Variants in ARHGAP32 observed in about 807,000 individuals in gnomAD.
ARHGAP32 encodes rho GTPase-activating protein 32.
Under a neutral mutation model 186.5 loss-of-function variants are expected in ARHGAP32, and 51 were observed. The ratio of observed to expected loss-of-function variants is 0.27; its 90% CI spans 0.22 to 0.35. ARHGAP32 has a LOEUF of 0.35. Ranked by LOEUF, ARHGAP32 falls within the 10% of genes least tolerant of loss-of-function variation. The probability of loss-of-function intolerance (pLI) is 1.00; values close to 1 mark genes in which losing one functional copy is unlikely to be tolerated. For synonymous variants in ARHGAP32, 950 were observed against 964.3 expected, an observed-to-expected ratio of 0.99 and a Z score of 0.27; for missense variants, 2,186 against 2,623.5, an observed-to-expected ratio of 0.83 and a Z score of 3.64.
chr11:128,991,089 T>C (rs1445939551), intron 12 of ARHGAP32, among the ~76,000 whole-genome samples: 4 of 152,204 alleles, frequency 2.6e-5, no homozygotes, highest in African/African-American at 9.6e-5. Flanking sequence ...TCGGTAATTT[T>C]CATTGGATGT....
intron 5 of ARHGAP32, among the ~76,000 whole-genome samples, chr11:129,107,461 C>A (rs1029483766): frequency 1.3e-5 from 2 of 152,096 alleles, no homozygotes; most frequent in Non-Finnish European, 2.9e-5. Context: ...CCACTTTTTG[C>A]TTTCTATGTT....
chr11:128,973,489 A>T (rs1035011753), intron 21 of ARHGAP32, 57 bp from the exon 22 acceptor site: 3 of 1,577,296 alleles, frequency 1.9e-6, no homozygotes, highest in South Asian at 1.2e-5. Flanking sequence ...GTTATCCTAA[A>T]TGGAAAGCCA....
At chr11:129,274,553 A>G (rs1415823350) in intron 1 of ARHGAP32, among the ~76,000 whole-genome samples, 2 of 152,186 alleles carry the variant, frequency 1.3e-5, no homozygotes, top group African/African-American at 2.4e-5. Context: ...AAGAGCCACA[A>G]TGACCCCAAT....
At chr11:129,082,694 G>A (rs965760986) in intron 6 of ARHGAP32, among the ~76,000 whole-genome samples, 3 of 152,036 alleles carry the variant, frequency 2.0e-5, no homozygotes, top group Admixed American at 2.0e-4. Context: ...CTTAGGCAAA[G>A]ACTTCATAAC....
chr11:129,003,515 G>A (rs1937622260), intron 11 of ARHGAP32, among the ~76,000 whole-genome samples: 1 of 152,208 alleles, frequency 6.6e-6, no homozygotes, highest in South Asian at 2.1e-4. Context: ...TGAGTCCTGG[G>A]CTTTTCTTTG....
chr11:129,003,594 T>G (rs2134770017), intron 11 of ARHGAP32, among the ~76,000 whole-genome samples: 1 of 152,320 alleles, frequency 6.6e-6, no homozygotes, highest in South Asian at 2.1e-4. Flanking sequence ...TTGGATTTCT[T>G]CATGGTTTGA....
In ARHGAP32 at chr11:128,974,148, C is replaced by T. The variant is rs1296069341; in HGVS notation, c.3049G>A (p.Val1017Ile). Residue 1017 changes from valine to isoleucine, a missense_variant, in exon 21 of 23, where the codon GTA becomes ATA. Around this residue, in one of 5 missense-constraint regions of ARHGAP32, gnomAD observed 1,502 missense variants for 1,570.0 expected, o/e 0.96. Coordinates refer to ENST00000682385, the MANE Select transcript of ARHGAP32 (RefSeq NM_001378024.1). ...CCTGTCTGAGTCTGTCCAGAAGCTA[C>T]AGCCTTACTCTGACTGCTTGAGACA... is the stretch of plus-strand genomic sequence containing the variant. The part of the protein sequence containing the change: ...QSVSSSQSKA[V>I]ASGQTQTGAV... The T allele has an allele frequency of 6.2e-7, 1 of 1,614,204 alleles. No individual in the cohort carries two copies. Among genetic ancestry groups the T allele is most frequent in the Admixed American group, 1.7e-5 (1 of 60,032 alleles).
intron 1 of ARHGAP32, among the ~76,000 whole-genome samples, chr11:129,250,441 C>T (rs1421187095): frequency 6.6e-6 from 1 of 152,118 alleles, no homozygotes; most frequent in East Asian, 1.9e-4. Context: ...ACCCTGAATA[C>T]TATTATTTCT....
intron 1 of ARHGAP32, among the ~76,000 whole-genome samples, chr11:129,167,984 C>T (rs1392017445): frequency 6.6e-6 from 1 of 152,110 alleles, no homozygotes; most frequent in Admixed American, 6.5e-5. Context: ...GTGGCTCACA[C>T]CTATAATCCT....
chr11:129,207,583 T>G lies in ARHGAP32; in HGVS notation c.-4-43156A>C, dbSNP rs1299416865. The stretch of plus-strand genomic sequence containing the variant: ...TATCCTTTGGCCACTTTTTTATGGG[T>G]TTTTTTTTATATAAATTTGTTTAAT... On this transcript the variant is annotated intron_variant, in intron 1 of 6. Transcript: ENST00000525234. Among the ~76,000 whole-genome samples the G allele has an allele frequency of 5.3e-5, 8 of 150,208 alleles. No homozygotes were observed. In the East Asian group the frequency reaches 1.2e-3, roughly 22 times the overall value.
intron 11 of ARHGAP32, among the ~76,000 whole-genome samples, chr11:129,038,706 G>A (rs1359851902): frequency 6.6e-6 from 1 of 151,632 alleles, no homozygotes; most frequent in Non-Finnish European, 1.5e-5. Flanking sequence ...GGGCAACAAA[G>A]CAAGACCTCA....
chr11:129,261,842 T>C (rs1945323968), intron 1 of ARHGAP32, among the ~76,000 whole-genome samples: 1 of 152,162 alleles, frequency 6.6e-6, no homozygotes, highest in South Asian at 2.1e-4. Context: ...AACCAAAACA[T>C]ATTAGAATCT....
intron 1 of ARHGAP32, among the ~76,000 whole-genome samples, chr11:129,256,045 T>C (rs992523680): frequency 6.6e-6 from 1 of 152,092 alleles, no homozygotes; most frequent in Non-Finnish European, 1.5e-5. Context: ...TATGGATAAA[T>C]TTTATAGACA....
At chr11:128,975,554 C>T (rs1945518347) in intron 20 of ARHGAP32, among the ~76,000 whole-genome samples, 1 of 152,066 alleles carries the variant, frequency 6.6e-6, no homozygotes, top group Non-Finnish European at 1.5e-5. Flanking sequence ...CTTTCAGATA[C>T]TAAACAAGAA....
intron 11 of ARHGAP32, among the ~76,000 whole-genome samples, chr11:129,000,552 T>C (rs1374810655): frequency 6.6e-6 from 1 of 152,182 alleles, no homozygotes; most frequent in Non-Finnish European, 1.5e-5. Context: ...AAGCATGCAA[T>C]GTGTAATAAT....
intron 19 of ARHGAP32, among the ~76,000 whole-genome samples, chr11:128,978,531 T>C (rs1367035021): frequency 6.6e-6 from 1 of 152,220 alleles, no homozygotes; most frequent in Non-Finnish European, 1.5e-5. Context: ...ACATTTACAC[T>C]ATATATAATC....
intron 1 of ARHGAP32, among the ~76,000 whole-genome samples, chr11:129,226,037 T>C (rs1472754501): frequency 6.6e-6 from 1 of 152,138 alleles, no homozygotes; most frequent in Non-Finnish European, 1.5e-5. Flanking sequence ...AATATGAAGA[T>C]AGGTCAATTG....
At chr11:129,063,763 A>T in intron 9 of ARHGAP32, 139 bp downstream of exon 9, 1 of 958,664 alleles carries the variant, frequency 1.0e-6, no homozygotes, top group Non-Finnish European at 1.5e-6. Context: ...AAGATATTAC[A>T]GGCTGAAATA....
At chr11:129,178,587 A>C (rs1412953984) in intron 1 of ARHGAP32, among the ~76,000 whole-genome samples, 1 of 151,840 alleles carries the variant, frequency 6.6e-6, no homozygotes, top group Non-Finnish European at 1.5e-5. Flanking sequence ...ACTGGTACCA[A>C]AACAGAGATA....
Sources: allele counts gnomAD v4.1 joint callset (sites outside exome capture counted in the v4.1 genomes callset), GRCh38; gene constraint gnomAD v4.1.1; regional missense constraint gnomAD v4.1.1; transcripts MANE v1.5; gene names NCBI Gene and HGNC (gene_info 2026-07-23, HGNC 2026-07-21).